DLG2: variants seen among roughly 807,000 people sequenced by gnomAD.
The protein encoded by DLG2 is discs large MAGUK scaffold protein 2, also known as disks large homolog 2.
In DLG2, 45 loss-of-function variants were observed where a neutral mutation model predicts 132.5. The ratio of observed to expected loss-of-function variants is 0.34; its 90% confidence interval spans 0.27 to 0.44. The LOEUF is 0.44. Among genes scored for constraint, DLG2 ranks in the 20% least tolerant of loss-of-function variants. The pLI, the probability that DLG2 is intolerant of heterozygous loss-of-function variation, is 1.00. For missense variants in DLG2, 1,045 were observed against 1,196.9 expected (o/e 0.87, Z 1.87); for synonymous variants, 424 against 419.6 (o/e 1.01, Z -0.13).
chr11:84,374,859 A>G (rs1163445045), intron 7 of DLG2, among the ~76,000 whole-genome samples: 1 of 152,064 alleles, frequency 6.6e-6, no homozygotes, highest in Non-Finnish European at 1.5e-5. Context: ...TTCACCAAAC[A>G]TCATATGGAT....
intron 6 of DLG2, among the ~76,000 whole-genome samples, chr11:84,917,294 T>G (rs1013720249): frequency 6.6e-6 from 1 of 152,214 alleles, no homozygotes; most frequent in African/African-American, 2.4e-5. Flanking sequence ...AGAAAAGGAA[T>G]GGCAAGGTCA....
At chr11:83,574,923 A>C (rs7937391) in intron 19 of DLG2, among the ~76,000 whole-genome samples, 2,983 of 152,292 alleles carry the variant, frequency 0.02, 43 homozygotes, top group Non-Finnish European at 0.033. Flanking sequence ...AACCCAACAC[A>C]TCTTACAACC....
intron 7 of DLG2, among the ~76,000 whole-genome samples, chr11:84,361,747 A>T (rs1019056498): frequency 6.6e-6 from 1 of 152,032 alleles, no homozygotes; most frequent in African/African-American, 2.4e-5. Context: ...TATATGACTT[A>T]CATAGAGAAA....
Position 84,711,009 on chromosome 11 carries a change from G to GATATATAT in DLG2, c.358-176286_358-176279dup, listed in dbSNP as rs367922564. Among the ~76,000 whole-genome samples the GATATATAT allele has an allele frequency of 6.9e-4, 61 of 89,044 alleles. 1 individual carries two copies. The highest frequency in any genetic ancestry group is 1.1e-3 in the African/African-American group (23 of 21,000). 58.4% of individuals were successfully genotyped at this position (89,044 alleles called of 152,430 possible). A position where few individuals can be genotyped will look rare whatever the true frequency, so the allele number is the denominator to read the frequency against. On this transcript the variant is annotated intron_variant, in intron 6 of 27. Transcript: ENST00000376104. Reference sequence around the variant, plus strand: ...TGACAAGTACATTCATATATATATAGATATATATATATATATATATATAGA... The same window carrying GATATATAT: ...TGACAAGTACATTCATATATATATAGATATATATATATATATATATATATATATATAGA...
At chr11:83,627,674 G>A (rs1257497299) in intron 19 of DLG2, among the ~76,000 whole-genome samples, 8 of 152,062 alleles carry the variant, frequency 5.3e-5, no homozygotes, top group Non-Finnish European at 7.4e-5. Context: ...CAATAAACAT[G>A]CGTGTGCATG....
chr11:84,450,804 A>C (rs1196902278), intron 7 of DLG2, among the ~76,000 whole-genome samples: 1 of 151,806 alleles, frequency 6.6e-6, no homozygotes, highest in African/African-American at 2.4e-5. Flanking sequence ...CATTCCATGA[A>C]AGCAGAGGCC....
intron 6 of DLG2, among the ~76,000 whole-genome samples, chr11:84,584,630 T>C (rs903989116): frequency 6.8e-6 from 1 of 148,026 alleles, no homozygotes; most frequent in Non-Finnish European, 1.5e-5. Flanking sequence ...CCTCCCAAAG[T>C]GCTGGGATTA....
rs907761009 is a variant in DLG2 at position 85,626,768 on chromosome 11, G to A, written c.-259-15C>T. ...GGCTGAGTCTTCTATGTCAGACAAAGAAAATAATGATGTATTTTTTCCACA... is the reference window on the plus strand; with the variant it reads ...GGCTGAGTCTTCTATGTCAGACAAAAAAAATAATGATGTATTTTTTCCACA... On this transcript the variant is annotated splice_polypyrimidine_tract_variant and intron_variant, in intron 1 of 27. Transcript: ENST00000376104. 1 of 152,146 alleles carries A rather than the reference G, an allele frequency of 6.6e-6. No individual in the cohort carries two copies. Among genetic ancestry groups the A allele is most frequent in the African/African-American group, 2.4e-5 (1 of 41,438 alleles). 9.4% of individuals were successfully genotyped at this position (152,146 alleles called of 1,614,324 possible). A position where few individuals can be genotyped will look rare whatever the true frequency, so the allele number is the denominator to read the frequency against.
chr11:84,069,853 A>G (rs2096730699), intron 10 of DLG2, among the ~76,000 whole-genome samples: 2 of 152,262 alleles, frequency 1.3e-5, no homozygotes, highest in South Asian at 2.1e-4. Context: ...GAAAAGAGAC[A>G]TTGAATAGAA....
At chr11:84,391,845 T>C (rs1466579098) in intron 7 of DLG2, among the ~76,000 whole-genome samples, 2 of 151,034 alleles carry the variant, frequency 1.3e-5, no homozygotes, top group African/African-American at 2.4e-5. Context: ...TATGCTAGAA[T>C]TTGGCTCACA....
At chr11:85,296,021 C>T in intron 3 of DLG2, among the ~76,000 whole-genome samples, 1 of 152,138 alleles carries the variant, frequency 6.6e-6, no homozygotes, top group East Asian at 1.9e-4. Context: ...ATTGGCCTCT[C>T]AGATTTGCTT....
intron 2 of DLG2, among the ~76,000 whole-genome samples, chr11:85,617,279 C>CA (rs1291598999): frequency 6.6e-6 from 1 of 152,026 alleles, no homozygotes; most frequent in African/African-American, 2.4e-5. Context: ...AGTTCAAGGC[C>CA]AAAAAACAAG....
chr11:84,222,578 A>G (rs2096931329), intron 8 of DLG2, among the ~76,000 whole-genome samples: 2 of 152,154 alleles, frequency 1.3e-5, no homozygotes. Flanking sequence ...TTTACAAAAT[A>G]TTTTGCACAT....
chr11:85,197,177 G>A (rs2081131962), intron 4 of DLG2, among the ~76,000 whole-genome samples: 1 of 152,170 alleles, frequency 6.6e-6, no homozygotes, highest in East Asian at 1.9e-4. Context: ...TTTCTACGAT[G>A]TAATATTGAA....
At chr11:83,753,874 TGA>T (rs2093517079) in intron 18 of DLG2, among the ~76,000 whole-genome samples, 13 of 87,698 alleles carry the variant, frequency 1.5e-4, no homozygotes, top group African/African-American at 6.7e-4. Context: ...TTCATATATA[TGA>T]TATATATCAT....
intron 7 of DLG2, among the ~76,000 whole-genome samples, chr11:84,498,698 C>T (rs2099192959): frequency 6.6e-6 from 1 of 152,162 alleles, no homozygotes; most frequent in South Asian, 2.1e-4. Context: ...CCATTGCCTA[C>T]AAATCTTACT....
At chr11:85,118,319 T>G (rs1301978709) in intron 5 of DLG2, among the ~76,000 whole-genome samples, 4 of 152,076 alleles carry the variant, frequency 2.6e-5, no homozygotes, top group African/African-American at 9.7e-5. Flanking sequence ...GTGATGATGG[T>G]GCTGAGTCAT....
intron 3 of DLG2, among the ~76,000 whole-genome samples, chr11:85,440,252 T>A (rs1249986087): frequency 1.3e-5 from 2 of 152,202 alleles, no homozygotes; most frequent in East Asian, 3.8e-4. Context: ...CTTGGATAAA[T>A]CATGTAACAA....
At chr11:83,822,825 A>C (rs115945452) in intron 17 of DLG2, among the ~76,000 whole-genome samples, 1,980 of 152,184 alleles carry the variant, frequency 0.013, 63 homozygotes, top group African/African-American at 0.045. Context: ...TGGAGTCAAG[A>C]ACTCCAGGAG....
Sources: allele counts gnomAD v4.1 joint callset (sites outside exome capture counted in the v4.1 genomes callset), GRCh38; gene constraint gnomAD v4.1.1; transcripts MANE v1.5; gene names NCBI Gene and HGNC (gene_info 2026-07-23, HGNC 2026-07-21).